The following TJP1 variants were observed in gnomAD, a reference collection of about 807,000 sequenced individuals.
TJP1 encodes tight junction protein ZO-1.
In TJP1, 43 loss-of-function variants were observed where a neutral mutation model predicts 194.2. The observed-to-expected ratio is 0.22, with a 90% CI of 0.17 to 0.29. TJP1 has a LOEUF of 0.29. Ranked by LOEUF, TJP1 falls within the 10% of genes least tolerant of loss-of-function variation. The probability of loss-of-function intolerance (pLI) is 1.00; values close to 1 mark genes in which losing one functional copy is unlikely to be tolerated. For synonymous variants in TJP1, 801 were observed against 779.0 expected (o/e 1.03, Z -0.47); for missense variants, 1,971 against 2,185.7 (o/e 0.90, Z 1.96).
At chr15:29,939,042 T>G (rs546675426) in intron 2 of TJP1, among the ~76,000 whole-genome samples, 1 of 152,184 alleles carries the variant, frequency 6.6e-6, no homozygotes, top group Non-Finnish European at 1.5e-5. Context: ...AAAGGATACC[T>G]TTTTCCCAGG....
At chr15:29,753,983 T>G (rs573368578) in intron 8 of TJP1, among the ~76,000 whole-genome samples, 1 of 152,280 alleles carries the variant, frequency 6.6e-6, no homozygotes, top group African/African-American at 2.4e-5. Context: ...GACAAAAGAC[T>G]AACACCAATG....
At chr15:29,782,013 AAGAG>A (rs1473855091) in intron 2 of TJP1, among the ~76,000 whole-genome samples, 1 of 152,312 alleles carries the variant, frequency 6.6e-6, no homozygotes, top group Non-Finnish European at 1.5e-5. Flanking sequence ...TCCGAATAGG[AAGAG>A]AGAAAGTTAA....
intron 2 of TJP1, among the ~76,000 whole-genome samples, chr15:29,951,187 A>AGATG (rs1022867332): frequency 4.0e-5 from 6 of 150,902 alleles, no homozygotes; most frequent in African/African-American, 1.2e-4. Flanking sequence ...TTTTTTTTTG[A>AGATG]GATGGAGTCT....
chr15:29,889,719 C>T (rs1017910121), intron 2 of TJP1, among the ~76,000 whole-genome samples: 1 of 152,202 alleles, frequency 6.6e-6, no homozygotes, highest in Non-Finnish European at 1.5e-5. Context: ...CAGTCCCTAG[C>T]CTCTCCTCAG....
intron 1 of TJP1, among the ~76,000 whole-genome samples, chr15:29,957,121 C>T (rs2055976334): frequency 6.6e-6 from 1 of 152,000 alleles, no homozygotes; most frequent in African/African-American, 2.4e-5. Context: ...TAACATAAAT[C>T]TAAACATGAT....
chr15:29,722,773 G>C (rs983177500), intron 18 of TJP1, among the ~76,000 whole-genome samples: 2 of 152,224 alleles, frequency 1.3e-5, no homozygotes, highest in Admixed American at 1.3e-4. Context: ...AGGAGCTGCA[G>C]GGGCTGTGCC....
At chr15:29,725,621 T>C (rs1566903425) in intron 18 of TJP1, among the ~76,000 whole-genome samples, 1 of 151,740 alleles carries the variant, frequency 6.6e-6, no homozygotes, top group Admixed American at 6.6e-5. Flanking sequence ...GAGGAAATGA[T>C]TAACTCTCCA....
At position 29,802,815 on chromosome 15, in the gene TJP1, T is replaced by A. The variant is rs2272107; in HGVS notation, c.28-2113A>T. On this transcript the variant is annotated intron_variant, in intron 1 of 27. Transcript: ENST00000614355. ...TCTATTTCATTAACCAGTGACATTGTTTTACTGCCTTTTTAATCTTTTTCC... is the reference window on the plus strand; with the variant it reads ...TCTATTTCATTAACCAGTGACATTGATTTACTGCCTTTTTAATCTTTTTCC... Among the ~76,000 whole-genome samples, 23 of 152,270 alleles carry A rather than the reference T, an allele frequency of 1.5e-4. No individual in the cohort carries two copies. In the East Asian group the frequency reaches 4.4e-3, roughly 29 times the overall value.
intron 2 of TJP1, among the ~76,000 whole-genome samples, chr15:29,877,745 G>A (rs771309103): frequency 9.9e-5 from 15 of 151,242 alleles, no homozygotes; most frequent in African/African-American, 2.2e-4. Context: ...TGCAACCTCC[G>A]CCTCCCAGGG....
At chr15:29,727,470 A>G (rs1442802535) in intron 16 of TJP1, among the ~76,000 whole-genome samples, 1 of 152,236 alleles carries the variant, frequency 6.6e-6, no homozygotes, top group East Asian at 1.9e-4. Flanking sequence ...AGGAGCACAT[A>G]TTAAAAAACT....
At chr15:29,699,643 A>T (rs1319850216), downstream of TJP1, 1 of 152,228 alleles carries the variant, frequency 6.6e-6, no homozygotes, top group African/African-American at 2.4e-5. Context: ...TCAGTCCACA[A>T]AGGTGTTTAC....
chr15:29,708,187 C>G (rs941386498), intron 25 of TJP1, among the ~76,000 whole-genome samples: 1 of 140,596 alleles, frequency 7.1e-6, no homozygotes, highest in Non-Finnish European at 1.5e-5. Context: ...CAGAGGGAGA[C>G]TCTTGTCTCA....
chr15:29,741,235 TAAA>T, intron 10 of TJP1, 93 bp downstream of exon 10: 3 of 884,350 alleles, frequency 3.4e-6, no homozygotes, highest in Non-Finnish European at 5.3e-6. Flanking sequence ...TGTACTATTT[TAAA>T]AAATATATGC....
At chr15:29,879,717 CTTTTT>C (rs1567160956) in intron 2 of TJP1, among the ~76,000 whole-genome samples, 3 of 89,224 alleles carry the variant, frequency 3.4e-5, no homozygotes, top group African/African-American at 1.7e-4. Context: ...TCTTTTTTTT[CTTTTT>C]TCTTTTTGAG....
chr15:29,884,247 T>A (rs1271360408), intron 2 of TJP1, among the ~76,000 whole-genome samples: 1 of 152,188 alleles, frequency 6.6e-6, no homozygotes, highest in East Asian at 1.9e-4. Flanking sequence ...TGGAGAAACC[T>A]TAGAGATCAT....
intron 2 of TJP1, among the ~76,000 whole-genome samples, chr15:29,834,524 A>C (rs2050962796): frequency 6.6e-6 from 1 of 152,340 alleles, no homozygotes; most frequent in South Asian, 2.1e-4. Context: ...CCGGCCTGAG[A>C]TGTTTTATAC....
chr15:29,793,832 T>G (rs1400742205), intron 2 of TJP1, among the ~76,000 whole-genome samples: 1 of 152,196 alleles, frequency 6.6e-6, no homozygotes, highest in Admixed American at 6.5e-5. Context: ...GAACCATCCT[T>G]GCATCCCTGG....
intron 2 of TJP1, among the ~76,000 whole-genome samples, chr15:29,843,653 A>G (rs925136867): frequency 9.2e-5 from 14 of 152,326 alleles, no homozygotes; most frequent in African/African-American, 3.4e-4. Context: ...AAACACAGAC[A>G]ACAAATAAAA....
intron 1 of TJP1, among the ~76,000 whole-genome samples, chr15:29,963,395 C>T (rs55873920): frequency 0.2 from 30,351 of 151,824 alleles, 3,431 homozygotes; most frequent in East Asian, 0.39. Flanking sequence ...TTTGTAAAAC[C>T]GAGAAAATAC....
Sources: gnomAD v4.1 joint callset for allele counts (sites outside exome capture counted in the v4.1 genomes callset) on GRCh38, gnomAD v4.1.1 for gene constraint, MANE v1.5 for transcripts, NCBI Gene and HGNC (gene_info 2026-07-23, HGNC 2026-07-21) for gene names.